ENOX1: variants seen among roughly 807,000 people sequenced by gnomAD.
ENOX1 encodes the protein ecto-NOX disulfide-thiol exchanger 1, also known as candidate growth-related and time keeping constitutive hydroquinone (NADH) oxidase.
Under a neutral mutation model 82.5 loss-of-function variants are expected in ENOX1, and 42 were observed. That is an observed-to-expected ratio of 0.51 (90% CI 0.40 to 0.66). ENOX1 has a LOEUF of 0.66. ENOX1 is among the 30% of genes least tolerant of loss of function. The probability of loss-of-function intolerance (pLI) is 0.00; values close to 1 mark genes in which losing one functional copy is unlikely to be tolerated. For missense variants in ENOX1, 608 were observed against 811.6 expected, an observed-to-expected ratio of 0.75 and a Z score of 3.05; for synonymous variants, 271 against 282.2, an observed-to-expected ratio of 0.96 and a Z score of 0.40.
intron 15 of ENOX1, among the ~76,000 whole-genome samples, chr13:43,225,081 G>A (rs1368337839): frequency 6.6e-6 from 1 of 152,214 alleles, no homozygotes; most frequent in African/African-American, 2.4e-5. Flanking sequence ...GGAATACTAT[G>A]TAGCCATAAA....
At chr13:43,463,738 A>G (rs190801542) in intron 3 of ENOX1, among the ~76,000 whole-genome samples, 1 of 152,220 alleles carries the variant, frequency 6.6e-6, no homozygotes, top group Non-Finnish European at 1.5e-5. Context: ...TAAAAAGCCA[A>G]TGCTTTTCTT....
At chr13:43,508,864 T>TCCA (rs139058410) in intron 2 of ENOX1, among the ~76,000 whole-genome samples, 179 of 152,110 alleles carry the variant, frequency 1.2e-3, no homozygotes, top group African/African-American at 4.2e-3. Context: ...AGAGGTGGGA[T>TCCA]CCAGGACTAT....
chr13:43,433,528 G>A (rs938240249), intron 3 of ENOX1, among the ~76,000 whole-genome samples: 16 of 152,072 alleles, frequency 1.1e-4, no homozygotes, highest in Non-Finnish European at 2.1e-4. Flanking sequence ...GAATCTAATA[G>A]TGCTCTAAAA....
chr13:43,265,337 A>G lies in ENOX1; in HGVS notation c.1611+61T>C. 5.6e-6 allele frequency: 8 copies of G among 1,418,188 alleles called. No individual in the cohort carries two copies. The South Asian group carries it at 9.9e-5, about 18-fold the overall frequency. The allele number at this position is 1,418,188 out of a possible 1,614,324, so 87.9% of individuals were successfully genotyped here. ...CTTTATGTGGTAGATAAAGTGCTAC[A>G]TCCCCATGTGTTCAACCAACGTCAA... is the stretch of plus-strand genomic sequence containing the variant. On this transcript the variant is annotated intron_variant, in intron 14 of 16. Coordinates refer to ENST00000690772, the MANE Select transcript of ENOX1 (RefSeq NM_001347969.2).
intron 1 of ENOX1, among the ~76,000 whole-genome samples, chr13:43,691,688 A>G (rs2086371756): frequency 6.7e-6 from 1 of 149,652 alleles, no homozygotes; most frequent in Admixed American, 6.7e-5. Context: ...ATCTCCTGGA[A>G]GCCCACAGAC....
chr13:43,248,718 TG>T (rs1166946249), intron 14 of ENOX1, among the ~76,000 whole-genome samples: 6 of 152,118 alleles, frequency 3.9e-5, no homozygotes, highest in Non-Finnish European at 8.8e-5. Flanking sequence ...ATGTATTCAC[TG>T]TAGAAAATAT....
chr13:43,302,553 C>G (rs1222764027), intron 11 of ENOX1, among the ~76,000 whole-genome samples: 1 of 152,126 alleles, frequency 6.6e-6, no homozygotes, highest in African/African-American at 2.4e-5. Flanking sequence ...TACTTCAAAA[C>G]TTAGCACTAG....
intron 14 of ENOX1, among the ~76,000 whole-genome samples, chr13:43,239,231 C>A (rs2042700084): frequency 6.6e-6 from 1 of 152,140 alleles, no homozygotes; most frequent in Non-Finnish European, 1.5e-5. Context: ...CTCATGCAGT[C>A]ATGGCCAGTG....
intron 1 of ENOX1, among the ~76,000 whole-genome samples, chr13:43,753,338 T>G (rs1382965184): frequency 6.6e-6 from 1 of 152,216 alleles, no homozygotes; most frequent in African/African-American, 2.4e-5. Context: ...CTTTTAAAAT[T>G]TCTCTCAACA....
At chr13:43,704,594 C>A (rs910915569) in intron 1 of ENOX1, among the ~76,000 whole-genome samples, 4 of 152,110 alleles carry the variant, frequency 2.6e-5, no homozygotes, top group African/African-American at 9.7e-5. Context: ...TCTGAGGCTG[C>A]CAGAGCACTG....
At chr13:43,238,060 G>C (rs1228420351) in intron 14 of ENOX1, among the ~76,000 whole-genome samples, 1 of 152,236 alleles carries the variant, frequency 6.6e-6, no homozygotes, top group Non-Finnish European at 1.5e-5. Flanking sequence ...GAAAATCACA[G>C]TGATGTGATG....
At chr13:43,327,172 C>T (rs914168901) in intron 9 of ENOX1, among the ~76,000 whole-genome samples, 2 of 152,198 alleles carry the variant, frequency 1.3e-5, no homozygotes, top group African/African-American at 2.4e-5. Flanking sequence ...TAGCCTCTAC[C>T]TCAAGACAGA....
At chr13:43,753,411 G>A (rs896184467) in intron 1 of ENOX1, among the ~76,000 whole-genome samples, 9 of 152,030 alleles carry the variant, frequency 5.9e-5, no homozygotes, top group Admixed American at 2.0e-4. Flanking sequence ...TAAGTATTTC[G>A]TATTTTTGAT....
At chr13:43,541,663 C>T (rs2078734431) in intron 2 of ENOX1, among the ~76,000 whole-genome samples, 1 of 152,194 alleles carries the variant, frequency 6.6e-6, no homozygotes, top group Non-Finnish European at 1.5e-5. Context: ...TGCATTTTCA[C>T]AAGAAAATAA....
intron 3 of ENOX1, among the ~76,000 whole-genome samples, chr13:43,415,726 T>C (rs973625481): frequency 1.3e-5 from 2 of 152,252 alleles, no homozygotes; most frequent in African/African-American, 2.4e-5. Context: ...AAAACCGCCA[T>C]TGTCATCATG....
intron 2 of ENOX1, chr13:43,545,708 T>G (rs2078944330): frequency 6.6e-6 from 1 of 152,286 alleles, no homozygotes; most frequent in Admixed American, 6.5e-5. Flanking sequence ...GGAAACTTAA[T>G]GTCCACATTG....
rs116054443 is a variant in ENOX1 at position 43,624,408 on chromosome 13, C to T, written c.-219+43071G>A. On this transcript the variant is annotated intron_variant, in intron 2 of 16. Transcript: ENST00000690772. ...CTACTCACCAAGGTCTTTTGCAGAGCAAAATTTTTAATTTTAATGAAGTGA... is the reference window on the plus strand; with the variant it reads ...CTACTCACCAAGGTCTTTTGCAGAGTAAAATTTTTAATTTTAATGAAGTGA... Among the ~76,000 whole-genome samples, 1,415 of 152,162 alleles carry T rather than the reference C, an allele frequency of 9.3e-3. 30 individuals carry two copies. Among genetic ancestry groups the T allele is most frequent in the African/African-American group, 0.032 (1,349 of 41,544 alleles).
chr13:43,234,225 C>T (rs2042415168), intron 15 of ENOX1, among the ~76,000 whole-genome samples: 1 of 152,158 alleles, frequency 6.6e-6, no homozygotes. Flanking sequence ...GTCTTGGAAA[C>T]TCTTTCCCAT....
chr13:43,509,563 G>A (rs1410945257), intron 2 of ENOX1, among the ~76,000 whole-genome samples: 1 of 152,058 alleles, frequency 6.6e-6, no homozygotes, highest in Non-Finnish European at 1.5e-5. Flanking sequence ...GATGTAGCAC[G>A]AACTGGACTT....
Sources: gnomAD v4.1 joint callset for allele counts (sites outside exome capture counted in the v4.1 genomes callset) on GRCh38, gnomAD v4.1.1 for gene constraint, MANE v1.5 for transcripts, NCBI Gene and HGNC (gene_info 2026-07-23, HGNC 2026-07-21) for gene names.